AGBL3: variants seen among roughly 807,000 people sequenced by gnomAD.
AGBL3 encodes the protein cytosolic carboxypeptidase 3.
A neutral mutation model predicts 94.5 loss-of-function variants in AGBL3; 68 were observed. The ratio of observed to expected loss-of-function variants is 0.72; its 90% CI spans 0.59 to 0.88. The LOEUF is 0.88. Ranked by LOEUF, AGBL3 falls within the 40% of genes least tolerant of loss-of-function variation. AGBL3 has a pLI of 0.00. For missense variants in AGBL3, 934 were observed against 1,103.8 expected (o/e 0.85, Z 2.18); for synonymous variants, 354 against 370.7 (o/e 0.95, Z 0.52).
intron 16 of AGBL3, among the ~76,000 whole-genome samples, chr7:135,122,967 A>G (rs1827349010): frequency 1.3e-5 from 2 of 152,104 alleles, no homozygotes; most frequent in Admixed American, 1.3e-4. Flanking sequence ...TGAAAACCCA[A>G]AAGGCCAGAG....
At chr7:135,035,089 CCCTT>C (rs1315904451) in intron 7 of AGBL3, among the ~76,000 whole-genome samples, 161 bp downstream of exon 7, 4 of 151,978 alleles carry the variant, frequency 2.6e-5, no homozygotes, top group Non-Finnish European at 5.9e-5. Flanking sequence ...TGATTCTATA[CCCTT>C]CTGTCATTAT....
In AGBL3 at chr7:135,045,900, T is replaced by G. The variant is rs1465423869; in HGVS notation, c.1830T>G (p.Asp610Glu). The change falls in exon 11 of 17, where the codon GAT (aspartate) becomes GAG (glutamate). Residue 610 changes from aspartate to glutamate, a missense_variant. Physicochemically the swap from Asp to Glu is conservative, Grantham distance 45. This residue lies in a region of AGBL3 where 441 missense variants were observed against 518.2 expected (regional missense o/e 0.85). Transcript: ENST00000436302. ...SDTPVIDITL[D>E]VESSSRGSDS... ...CACCTGTGATAGACATTACATTGGATGTAGAGTCTAGGTAACTCAAGGCTG... is the reference window on the plus strand; with the variant it reads ...CACCTGTGATAGACATTACATTGGAGGTAGAGTCTAGGTAACTCAAGGCTG... 1 of 1,545,890 alleles carries G rather than the reference T, an allele frequency of 6.5e-7. No individual in the cohort carries two copies. The highest frequency in any genetic ancestry group is 8.8e-7 in the Non-Finnish European group (1 of 1,142,438).
intron 12 of AGBL3, among the ~76,000 whole-genome samples, chr7:135,061,270 A>C (rs542664472): frequency 6.6e-6 from 1 of 152,160 alleles, no homozygotes; most frequent in South Asian, 2.1e-4. Flanking sequence ...AGTTCCTGAT[A>C]TATTTTGGAT....
In AGBL3 at chr7:135,076,408, G is replaced by C. The variant is rs1387796555; in HGVS notation, c.1920G>C (p.Leu640Phe). The change falls in exon 13 of 17, where the codon TTG becomes TTC. Residue 640 changes from leucine (L) to phenylalanine (F), a missense_variant. Coordinates refer to ENST00000436302, the MANE Select transcript of AGBL3 (RefSeq NM_178563.4). ...LLKLTSQKKH[L>F]KTKKERNSTI... is the part of the protein sequence containing the mutation. ...GATTCTTTTACTAGAAAAAACATTTGAAAACAAAGAAGGAAAGGAATTCTA... is the reference window on the plus strand; with the variant it reads ...GATTCTTTTACTAGAAAAAACATTTCAAAACAAAGAAGGAAAGGAATTCTA... 2.6e-6 allele frequency: 4 copies of C among 1,546,030 alleles called. No individual in the cohort carries two copies. Among genetic ancestry groups the C allele is most frequent in the East Asian group, 2.5e-5 (1 of 40,742 alleles).
chr7:134,992,094 GAACTCTTGTTCATT>G, intron 3 of AGBL3, among the ~76,000 whole-genome samples: 1 of 152,336 alleles, frequency 6.6e-6, no homozygotes, highest in Admixed American at 6.5e-5. Context: ...AGCAGGACTA[GAACTCTTGTTCATT>G]AACTTTTGGG....
chr7:135,100,721 A>T (rs1392640587), intron 15 of AGBL3, among the ~76,000 whole-genome samples: 3 of 152,234 alleles, frequency 2.0e-5, no homozygotes, highest in East Asian at 1.9e-4. Flanking sequence ...TTAATTTTTT[A>T]AAATGTATTA....
Position 135,115,372 on chromosome 7 carries a change from C to A in AGBL3, c.2111-8C>A, listed in dbSNP as rs1203546816. 8 of 1,526,958 alleles carry A rather than the reference C, an allele frequency of 5.2e-6. No homozygotes were observed. The South Asian group carries it at 8.5e-5, about 16-fold the overall frequency. The allele number at this position is 1,526,958 out of a possible 1,614,324, so 94.6% of individuals were successfully genotyped here. On this transcript the variant is annotated splice_region_variant and splice_polypyrimidine_tract_variant and intron_variant, in intron 15 of 16. Transcript: ENST00000436302. ...ATCTCTGTACATATTTTTGTGGTTG[C>A]TCCCCAGATCTGCACCACAACTTAA...
chr7:135,128,969 C>T (rs1828343375), intron 16 of AGBL3: 2 of 1,585,788 alleles, frequency 1.3e-6, no homozygotes, highest in African/African-American at 2.7e-5. Flanking sequence ...AATGCATGTA[C>T]TTCTTGGAGT....
At chr7:135,075,481 C>T (rs567022395) in intron 12 of AGBL3, among the ~76,000 whole-genome samples, 2 of 152,232 alleles carry the variant, frequency 1.3e-5, no homozygotes, top group East Asian at 3.9e-4. Context: ...TAACCATTCA[C>T]CTGTTGAAGA....
At chr7:135,106,727 T>C (rs892767286) in intron 15 of AGBL3, among the ~76,000 whole-genome samples, 4 of 152,224 alleles carry the variant, frequency 2.6e-5, no homozygotes, top group South Asian at 2.1e-4. Context: ...GCTGGCTTCA[T>C]AGAATGAGTT....
chr7:135,121,097 C>T (rs28813803), intron 16 of AGBL3, among the ~76,000 whole-genome samples: 8 of 152,152 alleles, frequency 5.3e-5, no homozygotes, highest in Middle Eastern at 6.8e-3. Context: ...CCCAGCTACT[C>T]GGGAGGCTGA....
At chr7:135,127,538 C>T (rs1248106498) in intron 16 of AGBL3, among the ~76,000 whole-genome samples, 3 of 122,602 alleles carry the variant, frequency 2.4e-5, no homozygotes, top group Non-Finnish European at 3.4e-5. Context: ...GGCAACAGAG[C>T]AAGTCTCCGT....
At chr7:135,053,446 A>G (rs1192909488) in intron 11 of AGBL3, among the ~76,000 whole-genome samples, 2 of 152,122 alleles carry the variant, frequency 1.3e-5, no homozygotes, top group Non-Finnish European at 1.5e-5. Flanking sequence ...CATCTCTACT[A>G]AAAATACAAA....
chr7:135,038,023 T>A lies in AGBL3; in HGVS notation c.1500+443T>A, dbSNP rs566087922. 1.6e-4 allele frequency among the ~76,000 whole-genome samples: 25 copies of A among 152,194 alleles called. No individual in the cohort carries two copies. The East Asian group carries it at 3.7e-3, about 22-fold the overall frequency. On this transcript the variant is annotated intron_variant, in intron 8 of 16. Coordinates refer to ENST00000436302, the MANE Select transcript of AGBL3 (RefSeq NM_178563.4). The stretch of plus-strand genomic sequence containing the variant: ...AACTTAATCCAATAACCAATATTTT[T>A]AAAATATATAGAAATTAGAATGAGA...
At chr7:135,041,055 G>A (rs1816813004) in intron 8 of AGBL3, among the ~76,000 whole-genome samples, 1 of 152,062 alleles carries the variant, frequency 6.6e-6, no homozygotes. Flanking sequence ...TAAATACTTA[G>A]TTATAAATCT....
intron 12 of AGBL3, among the ~76,000 whole-genome samples, chr7:135,064,127 TG>T (rs1819073644): frequency 6.6e-6 from 1 of 152,058 alleles, no homozygotes; most frequent in African/African-American, 2.4e-5. Flanking sequence ...TCAACATCAA[TG>T]GGGTGGGGAA....
chr7:135,122,544 C>T (rs562893123), intron 16 of AGBL3, among the ~76,000 whole-genome samples: 5 of 152,276 alleles, frequency 3.3e-5, no homozygotes, highest in African/African-American at 1.2e-4. Flanking sequence ...CAAAGTGCTT[C>T]GTTAAATGGG....
chr7:135,123,270 C>T (rs1827398875), intron 16 of AGBL3, among the ~76,000 whole-genome samples: 1 of 152,074 alleles, frequency 6.6e-6, no homozygotes, highest in Non-Finnish European at 1.5e-5. Context: ...ATAGCCGAAT[C>T]GACCACGCAG....
intron 15 of AGBL3, among the ~76,000 whole-genome samples, chr7:135,091,460 T>C (rs1338193719): frequency 6.6e-6 from 1 of 152,196 alleles, no homozygotes; most frequent in East Asian, 1.9e-4. Flanking sequence ...TCATGTTTGG[T>C]TGAAAAATAT....
Sources: gnomAD v4.1 joint callset for allele counts (sites outside exome capture counted in the v4.1 genomes callset) on GRCh38, gnomAD v4.1.1 for gene constraint, gnomAD v4.1.1 regional missense constraint, MANE v1.5 for transcripts, NCBI Gene and HGNC (gene_info 2026-07-23, HGNC 2026-07-21) for gene names.